The following FAM136A variants were observed in gnomAD, a reference collection of about 807,000 sequenced individuals.
The protein encoded by FAM136A is TIM double twin CX3C motif chaperone.
Under a neutral mutation model 21.6 loss-of-function variants are expected in FAM136A, and 25 were observed. The observed-to-expected ratio is 1.16, with a 90% CI of 0.84 to 1.62. The LOEUF is 1.62. FAM136A is among the 40% of genes most tolerant of loss of function. The probability of loss-of-function intolerance (pLI) is 0.00; values close to 1 mark genes in which losing one functional copy is unlikely to be tolerated. For synonymous variants in FAM136A, 119 were observed against 129.4 expected (o/e 0.92, Z 0.55); for missense variants, 338 against 332.0 (o/e 1.02, Z -0.14).
Position 70,301,900 on chromosome 2 carries a change from C to G in FAM136A, c.112G>C (p.Asp38His). The change falls in exon 1 of 3, where the codon GAC (aspartate) becomes CAC (histidine). Residue 38 changes from aspartate (D) to histidine (H), a missense_variant. Coordinates refer to ENST00000430566, the MANE Select transcript of FAM136A (RefSeq NM_001329752.2). ...GGAACCCACCCGCTGAGAAGGGGGT[C>G]CTGGTTCGGCCCCAGCCCCGCTACC... ...MQVAGLGPNQ[D>H]PLLSGWVPGP... The G allele has an allele frequency of 6.3e-7, 1 of 1,595,342 alleles. No homozygotes were observed. The highest frequency in any genetic ancestry group is 8.5e-7 in the Non-Finnish European group (1 of 1,171,934).
At chr2:70,299,002 G>GCAAGGGAAGTTAT (rs1486483242) in intron 2 of FAM136A, among the ~76,000 whole-genome samples, 1 of 152,178 alleles carries the variant, frequency 6.6e-6, no homozygotes, top group Non-Finnish European at 1.5e-5. Flanking sequence ...AAAAGATAAT[G>GCAAGGGAAGTTAT]CAAGGGAAGT....
rs537366575 is a variant in FAM136A, at chr2:70,300,257, A to C, written c.549+583T>G. Among the ~76,000 whole-genome samples the C allele has an allele frequency of 1.3e-4, 20 of 152,340 alleles. No individual in the cohort carries two copies. In the East Asian group the frequency reaches 3.7e-3, roughly 28 times the overall value. ...ATTTGGTGGTTATGTCAAAAGGAAC[A>C]AACAAACGCCTCCTCCCCAACAAAC... On this transcript the variant is annotated intron_variant, in intron 2 of 2. Transcript: ENST00000430566.
rs766948447 is a variant in FAM136A at position 70,302,030 on chromosome 2, C to G, written c.-19G>C. 15 of 1,559,698 alleles carry G rather than the reference C, an allele frequency of 9.6e-6. No homozygotes were observed. In the South Asian group the frequency reaches 1.5e-4, roughly 16 times the overall value. On this transcript the variant is annotated 5_prime_UTR_variant, in exon 1 of 3. Transcript: ENST00000430566. ...CAGCCATGGCGACCCCGCGCTGCCC[C>G]GCGGCGCTCCGCGCCGGCGCCCATA...
chr2:70,301,665 C>G lies in FAM136A; in HGVS notation c.347G>C (p.Gly116Ala). Residue 116 changes from glycine to alanine, a missense_variant, in exon 1 of 3, where the codon GGA becomes GCA. Gly to Ala is a moderately conservative substitution (Grantham distance 60). Transcript: ENST00000430566. ...PGQERPRRQV[G>A]SPWWQALAPP... ...GGCGAGCGCCTGCCACCAGGGGCTTCCCACCTGCCGCCGAGGACGCTCCTG... is the reference window on the plus strand; with the variant it reads ...GGCGAGCGCCTGCCACCAGGGGCTTGCCACCTGCCGCCGAGGACGCTCCTG... 6.5e-7 allele frequency: 1 copy of G among 1,535,072 alleles called. No homozygotes were observed. Among genetic ancestry groups the G allele is most frequent in the Non-Finnish European group, 8.7e-7 (1 of 1,146,212 alleles).
At chr2:70,301,079 C>A in intron 1 of FAM136A, 99 bp from the exon 2 acceptor site, 1 of 1,357,870 alleles carries the variant, frequency 7.4e-7, no homozygotes, top group Non-Finnish European at 1.0e-6. Context: ...GATATTTGCA[C>A]CTCTCTCTCC....
rs561274938 is a variant in FAM136A at position 70,301,592 on chromosome 2, C to G, written c.408+12G>C. 7.8e-6 allele frequency: 12 copies of G among 1,535,920 alleles called. No individual in the cohort carries two copies. In the African/African-American group the frequency reaches 1.4e-4, roughly 17 times the overall value. On this transcript the variant is annotated intron_variant, in intron 1 of 2. Transcript: ENST00000430566. ...CGTTGGCAGCGCCTCTGCTGGGCCT[C>G]GGGCCGCTCACCTGCGGAAGGGGCC...
rs575611304 is a variant in FAM136A at position 70,301,806 on chromosome 2, C to T, written c.206G>A (p.Arg69Gln). 62 of 1,547,910 alleles carry T rather than the reference C, an allele frequency of 4.0e-5. No homozygotes were observed. In the South Asian group the frequency reaches 6.4e-4, roughly 16 times the overall value. The change falls in exon 1 of 3, where the codon CGG (arginine) becomes CAG (glutamine). Residue 69 changes from arginine (R) to glutamine (Q), a missense_variant. Arg to Gln is a conservative substitution (Grantham distance 43). Transcript: ENST00000430566. ...AAASPQTGCG[R>Q]PWGRRGGLGQ... Reference sequence around the variant, plus strand: ...GAGGCCGCCCCGGCGACCCCAGGGCCGCCCACACCCGGTCTGCGGGGACGC... The same window carrying T: ...GAGGCCGCCCCGGCGACCCCAGGGCTGCCCACACCCGGTCTGCGGGGACGC...
chr2:70,301,001 G>A (rs1052326052), intron 1 of FAM136A, 21 bp from the exon 2 acceptor site: 2 of 1,599,052 alleles, frequency 1.3e-6, no homozygotes, highest in African/African-American at 2.7e-5. Flanking sequence ...AGGGCAGAGA[G>A]GTTAGGTAGG....
intron 2 of FAM136A, among the ~76,000 whole-genome samples, chr2:70,298,284 C>T (rs753898307): frequency 1.4e-4 from 22 of 151,982 alleles, no homozygotes; most frequent in Non-Finnish European, 2.6e-4. Flanking sequence ...TTAGTAGAGA[C>T]GGGGTTTCTC....
intron 2 of FAM136A, among the ~76,000 whole-genome samples, chr2:70,299,107 T>G (rs1415016303): frequency 6.6e-6 from 1 of 152,248 alleles, no homozygotes; most frequent in Non-Finnish European, 1.5e-5. Flanking sequence ...TTCCATGATC[T>G]TGAAGAAGTT....
At chr2:70,300,261 A>G (rs1697360106) in intron 2 of FAM136A, among the ~76,000 whole-genome samples, 1 of 152,182 alleles carries the variant, frequency 6.6e-6, no homozygotes. Context: ...AGGAACAAAC[A>G]AACGCCTCCT....
chr2:70,298,935 G>A (rs552955132), intron 2 of FAM136A, among the ~76,000 whole-genome samples: 1 of 152,362 alleles, frequency 6.6e-6, no homozygotes, highest in East Asian at 1.9e-4. Context: ...CCATGGGGGT[G>A]AGTGGCAGGA....
intron 1 of FAM136A, 62 bp from the exon 2 acceptor site, chr2:70,301,042 G>T: frequency 6.4e-7 from 1 of 1,560,616 alleles, no homozygotes; most frequent in South Asian, 1.2e-5. Context: ...TGACTATGGA[G>T]CACTACAGGA....
chr2:70,301,878 A>C lies in FAM136A; in HGVS notation c.134T>G (p.Val45Gly). 6.4e-7 allele frequency: 1 copy of C among 1,570,626 alleles called. No homozygotes were observed. Among genetic ancestry groups the C allele is most frequent in the Non-Finnish European group, 8.6e-7 (1 of 1,158,418 alleles). The change falls in exon 1 of 3, where the codon GTT becomes GGT. Residue 45 changes from valine (V) to glycine (G), a missense_variant. Physicochemically the swap from Val to Gly is moderately radical, Grantham distance 109 (BLOSUM62 -3). Transcript: ENST00000430566. ...GTGGTGGCTGAGGGAAGGGCCCGGA[A>C]CCCACCCGCTGAGAAGGGGGTCCTG... Reference protein sequence around the residue: ...PNQDPLLSGWVPGPSLSHHAT... With the variant: ...PNQDPLLSGWGPGPSLSHHAT...
In FAM136A at chr2:70,301,977, G is replaced by A. The variant is rs1175575665; in HGVS notation, c.35C>T (p.Ala12Val). 7 of 1,607,104 alleles carry A rather than the reference G, an allele frequency of 4.4e-6. No homozygotes were observed. The highest frequency in any genetic ancestry group is 1.3e-5 in the African/African-American group (1 of 74,640). Reference sequence around the variant, plus strand: ...CAGACTCTTCACCATGGACTCCACCGCCTCCTGCACCCGGAGCTGCTGCAG... The same window carrying A: ...CAGACTCTTCACCATGGACTCCACCACCTCCTGCACCCGGAGCTGCTGCAG... ...AELQQLRVQE[A>V]VESMVKSLER... The change falls in exon 1 of 3, where the codon GCG (alanine) becomes GTG (valine). Residue 12 changes from alanine to valine, a missense_variant. By Grantham distance (64) the Ala-to-Val change is moderately conservative. Coordinates refer to ENST00000430566, the MANE Select transcript of FAM136A (RefSeq NM_001329752.2).
chr2:70,300,164 T>C (rs1236539113), intron 2 of FAM136A, among the ~76,000 whole-genome samples: 1 of 152,144 alleles, frequency 6.6e-6, no homozygotes, highest in Non-Finnish European at 1.5e-5. Flanking sequence ...CCTCCCAAAA[T>C]GTTGGGATTA....
chr2:70,300,960 G>A lies in FAM136A; in HGVS notation c.429C>T (p.Ser143=), dbSNP rs72904358. The A allele has an allele frequency of 0.017, 27,027 of 1,612,360 alleles. 2,333 individuals are homozygous for A. The African/African-American group carries it at 0.24, about 14-fold the overall frequency. ...PLPQGLMFRC[S]ASCCEDSQAS... ...CCTGGCTGTCCTCACAACAGCTGGC[G>A]CTGCACCGGAACATGAGACCCTGGG... Residue 143 remains serine (S), a synonymous_variant, in exon 2 of 3, where the codon AGC becomes AGT. Transcript: ENST00000430566.
intron 1 of FAM136A, 141 bp from the exon 2 acceptor site, chr2:70,301,121 C>T: frequency 9.6e-7 from 1 of 1,040,046 alleles, no homozygotes; most frequent in Non-Finnish European, 1.4e-6. Context: ...TGAGAATAGA[C>T]ACCAGGACCT....
chr2:70,301,463 A>C (rs1274165985), intron 1 of FAM136A, 141 bp downstream of exon 1: 3 of 1,535,496 alleles, frequency 2.0e-6, no homozygotes, highest in African/African-American at 2.7e-5. Context: ...TCAGAGAAGA[A>C]CAGTGTAGAA....
Sources: gnomAD v4.1 joint callset for allele counts (sites outside exome capture counted in the v4.1 genomes callset) on GRCh38, gnomAD v4.1.1 for gene constraint, MANE v1.5 for transcripts, NCBI Gene and HGNC (gene_info 2026-07-23, HGNC 2026-07-21) for gene names.